The following CEP164 variants were observed in gnomAD, a reference collection of about 807,000 sequenced individuals.
CEP164 encodes the protein centrosomal protein 164.
In CEP164, 162 loss-of-function variants were observed where a neutral mutation model predicts 182.7. The observed-to-expected ratio is 0.89, with a 90% CI of 0.78 to 1.01. CEP164 has a LOEUF of 1.01. Among genes scored for constraint, CEP164 ranks in the 50% least tolerant of loss-of-function variants. The probability of loss-of-function intolerance (pLI) is 0.00; values close to 1 mark genes in which losing one functional copy is unlikely to be tolerated. For missense variants in CEP164, 1,735 were observed against 1,790.4 expected (o/e 0.97, Z 0.56); for synonymous variants, 661 against 690.0 (o/e 0.96, Z 0.66).
At chr11:117,408,829 A>G (rs1197525098) in intron 28 of CEP164, 61 bp from the exon 29 acceptor site, 2 of 1,602,668 alleles carry the variant, frequency 1.2e-6, no homozygotes, top group South Asian at 1.1e-5. Flanking sequence ...CTAGGAAGGA[A>G]AAAGGAAGGG....
At chr11:117,395,859 A>G (rs898793531) in intron 24 of CEP164, 137 bp downstream of exon 24, 2 of 1,234,032 alleles carry the variant, frequency 1.6e-6, no homozygotes, top group East Asian at 2.4e-5. Flanking sequence ...GCCTGTGGCT[A>G]CATTTTGTAG....
chr11:117,397,364 G>T (rs763136245), intron 27 of CEP164, 51 bp downstream of exon 27: 6 of 1,548,356 alleles, frequency 3.9e-6, no homozygotes, highest in East Asian at 4.6e-5. Flanking sequence ...GAGGCGGGGG[G>T]AGTCAGCAAA....
rs1409945695 is a variant in CEP164 at position 117,391,005 on chromosome 11, G to C, written c.2073G>C (p.Glu691Asp). 6.2e-7 allele frequency: 1 copy of C among 1,614,166 alleles called. No homozygotes were observed. Among genetic ancestry groups the C allele is most frequent in the Non-Finnish European group, 8.5e-7 (1 of 1,180,046 alleles). ...TTCCACTGTGTCCACCCAGGGCTGA[G>C]CAAGAGGCTTCCCTGCAGAAACTGA... ...TQADEDQIRAEQEASLQKLRE... is the reference protein window; with the variant it reads ...TQADEDQIRADQEASLQKLRE... The change falls in exon 17 of 33, where the codon GAG becomes GAC. Residue 691 changes from glutamate to aspartate, a missense_variant. Coordinates refer to ENST00000278935, the MANE Select transcript of CEP164 (RefSeq NM_014956.5).
chr11:117,356,420 A>G (rs1452996396), intron 5 of CEP164: 5 of 1,230,932 alleles, frequency 4.1e-6, no homozygotes, highest in Non-Finnish European at 5.2e-6. Context: ...AGTCATGGAG[A>G]GGGACTCGAG....
At chr11:117,398,526 C>T (rs137876597) in intron 27 of CEP164, among the ~76,000 whole-genome samples, 1,848 of 152,354 alleles carry the variant, frequency 0.012, 32 homozygotes, top group African/African-American at 0.042. Context: ...AGAAGTTCTC[C>T]ATGAGGGCCC....
intron 18 of CEP164, 60 bp from the exon 19 acceptor site, chr11:117,392,436 C>G (rs556819841): frequency 6.3e-7 from 1 of 1,584,256 alleles, no homozygotes; most frequent in African/African-American, 1.3e-5. Flanking sequence ...CATCCCCACA[C>G]AGCAGCTGTA....
chr11:117,346,927 C>T (rs1482008086), intron 4 of CEP164, among the ~76,000 whole-genome samples: 1 of 151,932 alleles, frequency 6.6e-6, no homozygotes, highest in Non-Finnish European at 1.5e-5. Flanking sequence ...TCTTCTTTAC[C>T]CACCTTTAAC....
At chr11:117,349,641 G>T (rs1022990017) in intron 4 of CEP164, among the ~76,000 whole-genome samples, 22 of 152,088 alleles carry the variant, frequency 1.4e-4, no homozygotes. Flanking sequence ...GTGCACCATG[G>T]TGCCCAGCTA....
intron 4 of CEP164, 42 bp from the exon 5 acceptor site, chr11:117,351,748 T>C (rs1565453537): frequency 1.3e-6 from 2 of 1,534,800 alleles, no homozygotes; most frequent in Non-Finnish European, 8.9e-7. Flanking sequence ...TCTTCTTTTG[T>C]ATCTGAGCAG....
intron 15 of CEP164, among the ~76,000 whole-genome samples, chr11:117,388,870 A>G (rs2136278215): frequency 6.6e-6 from 1 of 150,484 alleles, no homozygotes; most frequent in South Asian, 2.1e-4. Context: ...GGTTCACGCC[A>G]TTCTCCTGCC....
At chr11:117,331,909 A>G (rs1246846766) in intron 1 of CEP164, among the ~76,000 whole-genome samples, 1 of 150,574 alleles carries the variant, frequency 6.6e-6, no homozygotes, top group Non-Finnish European at 1.5e-5. Context: ...CTTCCTTTCC[A>G]TCTGATCACA....
intron 5 of CEP164, among the ~76,000 whole-genome samples, chr11:117,353,687 A>G (rs1456192019): frequency 6.6e-6 from 1 of 152,128 alleles, no homozygotes; most frequent in Non-Finnish European, 1.5e-5. Flanking sequence ...CTCAAATGTG[A>G]GTTTGTCCAG....
Position 117,394,970 on chromosome 11 carries a change from T to A in CEP164, c.2811T>A (p.Asp937Glu). The A allele has an allele frequency of 6.2e-7, 1 of 1,614,208 alleles. No homozygotes were observed. The highest frequency in any genetic ancestry group is 1.3e-5 in the African/African-American group (1 of 75,050). ...TGGACCTTGAAACCAGAGCTAAAGA[T>A]GTCAAGGCCAGATTGGCTCTGCTGG... ...LELDLETRAKDVKARLALLEV... is the reference protein window; with the variant it reads ...LELDLETRAKEVKARLALLEV... Residue 937 changes from aspartate (D) to glutamate (E), a missense_variant, in exon 22 of 33, where the codon GAT becomes GAA. Physicochemically the swap from Asp to Glu is conservative, Grantham distance 45 (BLOSUM62 2). Transcript: ENST00000278935. The surrounding 1 kb of genome is among the most constrained non-coding windows in gnomAD (Gnocchi z 4.0).
At chr11:117,395,318 A>G in intron 23 of CEP164, 127 bp downstream of exon 23, 1 of 1,223,250 alleles carries the variant, frequency 8.2e-7, no homozygotes, top group South Asian at 1.4e-5. Flanking sequence ...GTTGGCCAGT[A>G]TTCCACAAAT....
At chr11:117,330,227 T>G (rs1242695) in intron 1 of CEP164, among the ~76,000 whole-genome samples, 106,735 of 151,924 alleles carry the variant, frequency 0.7, 37,603 homozygotes, top group Admixed American at 0.77. Flanking sequence ...TTCCTTTAAT[T>G]CATGTAACAC....
chr11:117,391,645 C>T (rs1408409461), intron 17 of CEP164, among the ~76,000 whole-genome samples: 2 of 152,150 alleles, frequency 1.3e-5, no homozygotes, highest in Admixed American at 1.3e-4. Context: ...GCAAGGGCCT[C>T]ACTCCCCACT....
intron 1 of CEP164, among the ~76,000 whole-genome samples, chr11:117,329,042 C>T (rs986588365): frequency 6.6e-6 from 1 of 152,176 alleles, no homozygotes; most frequent in Non-Finnish European, 1.5e-5. Context: ...GTCTCTCTGC[C>T]TCAGTTCTTG....
chr11:117,412,376 G>A lies in CEP164; in HGVS notation c.*208G>A, dbSNP rs543119751. ...ATCTCAGGCTAAAATGTGTGGACTC[G>A]TACGAGCTCTTGTCATTGACATGGC... is the stretch of plus-strand genomic sequence containing the variant. On this transcript the variant is annotated 3_prime_UTR_variant, in exon 33 of 33. Transcript: ENST00000278935. 5 of 450,166 alleles carry A rather than the reference G, an allele frequency of 1.1e-5. No individual in the cohort carries two copies. The highest frequency in any genetic ancestry group is 7.9e-5 in the African/African-American group (4 of 50,624). 27.9% of individuals were successfully genotyped at this position (450,166 alleles called of 1,614,324 possible). A position where few individuals can be genotyped will look rare whatever the true frequency, so the allele number is the denominator to read the frequency against.
At chr11:117,393,219 A>T (rs1565583934) in intron 20 of CEP164, 93 bp downstream of exon 20, 2 of 1,506,214 alleles carry the variant, frequency 1.3e-6, no homozygotes, top group Non-Finnish European at 1.8e-6. Context: ...ATGCACGCAC[A>T]TGCACACACA....
Sources: allele counts gnomAD v4.1 joint callset (sites outside exome capture counted in the v4.1 genomes callset), GRCh38; gene constraint gnomAD v4.1.1; non-coding constraint Gnocchi (gnomAD v3.1); transcripts MANE v1.5; gene names NCBI Gene and HGNC (gene_info 2026-07-23, HGNC 2026-07-21).